Variants in CENPP observed in about 807,000 individuals in gnomAD.
CENPP encodes the protein centromere protein P.
In CENPP, 24 loss-of-function variants were observed where a neutral mutation model predicts 35.6. The ratio of observed to expected loss-of-function variants is 0.67; its 90% CI spans 0.49 to 0.95. The LOEUF (loss-of-function observed/expected upper bound fraction) is 0.95. Ranked by LOEUF, CENPP falls within the 40% of genes least tolerant of loss-of-function variation. CENPP has a pLI of 0.00. For missense variants in CENPP, 332 were observed against 345.3 expected (o/e 0.96, Z 0.31); for synonymous variants, 120 against 125.5 (o/e 0.96, Z 0.29).
intron 5 of CENPP, chr9:92,517,772 A>G: frequency 6.2e-7 from 1 of 1,614,232 alleles, no homozygotes; most frequent in Non-Finnish European, 8.5e-7. Context: ...TTTCATCACA[A>G]AGAACTCTTC....
intron 5 of CENPP, among the ~76,000 whole-genome samples, chr9:92,444,596 C>T (rs1037474037): frequency 1.5e-4 from 23 of 152,048 alleles, no homozygotes; most frequent in East Asian, 1.9e-4. Context: ...GTCTGTTTTA[C>T]GAGTTTAATA....
rs111877549 is a variant in CENPP at position 92,435,072 on chromosome 9, A to G, written c.564+55213A>G. ...ATCTCAAAAATAAAATAAAAAGTAT[A>G]CTGTACACTGTGTACAACCTTAGAT... On this transcript the variant is annotated intron_variant, in intron 5 of 7. Transcript: ENST00000375587. Among the ~76,000 whole-genome samples, 16 of 152,204 alleles carry G rather than the reference A, an allele frequency of 1.1e-4. 1 individual carries two copies. Among genetic ancestry groups the G allele is most frequent in the African/African-American group, 3.9e-4 (16 of 41,520 alleles).
At chr9:92,612,755 AT>A in intron 7 of CENPP, 141 bp downstream of exon 7, 1 of 715,050 alleles carries the variant, frequency 1.4e-6, no homozygotes, top group Non-Finnish European at 2.4e-6. Context: ...ATTTTTAAAT[AT>A]TTTTATCAAT....
chr9:92,533,314 A>ATATAT (rs1848934895), intron 5 of CENPP, among the ~76,000 whole-genome samples: 7 of 95,018 alleles, frequency 7.4e-5, no homozygotes, highest in African/African-American at 3.0e-4. Context: ...AAAAAAAAAA[A>ATATAT]AAAAAAAAAA....
Position 92,487,873 on chromosome 9 carries a change from T to C in CENPP, c.564+108014T>C, listed in dbSNP as rs80172155. 6.5e-3 allele frequency among the ~76,000 whole-genome samples: 993 copies of C among 152,310 alleles called. 8 individuals carry two copies. The highest frequency in any genetic ancestry group is 0.023 in the African/African-American group (944 of 41,570). ...ACATATAAAACCATTAAGTGAAAGT[T>C]TGCTCGATAGCAAGAAACTGTACTT... On this transcript the variant is annotated intron_variant, in intron 5 of 7. Coordinates refer to ENST00000375587, the MANE Select transcript of CENPP (RefSeq NM_001012267.3).
At chr9:92,589,707 G>A (rs543545203) in intron 5 of CENPP, among the ~76,000 whole-genome samples, 61 of 152,092 alleles carry the variant, frequency 4.0e-4, no homozygotes, top group Non-Finnish European at 7.9e-4. Context: ...TCTCTTATGC[G>A]TTTACGAAAG....
At chr9:92,475,543 G>A (rs1038059087) in intron 5 of CENPP, among the ~76,000 whole-genome samples, 5 of 152,096 alleles carry the variant, frequency 3.3e-5, no homozygotes, top group Non-Finnish European at 7.4e-5. Context: ...AATAAACATC[G>A]TAAAAACAGA....
intron 5 of CENPP, among the ~76,000 whole-genome samples, chr9:92,397,022 C>CA (rs1278590706): frequency 6.6e-6 from 1 of 150,742 alleles, no homozygotes; most frequent in Non-Finnish European, 1.5e-5. Flanking sequence ...CAAAAAAATA[C>CA]AAAAATTAGC....
chr9:92,439,695 A>G (rs1588130654), intron 5 of CENPP, among the ~76,000 whole-genome samples: 1 of 152,168 alleles, frequency 6.6e-6, no homozygotes, highest in Non-Finnish European at 1.5e-5. Context: ...CTTTATATCT[A>G]GTCCTCTTTC....
Position 92,615,739 on chromosome 9 carries a change from T to A in CENPP, c.*2590T>A. The A allele has an allele frequency of 9.3e-7, 1 of 1,075,892 alleles. No homozygotes were observed. The highest frequency in any genetic ancestry group is 1.4e-6 in the Non-Finnish European group (1 of 724,348). The allele number at this position is 1,075,892 out of a possible 1,614,324, so 66.6% of individuals were successfully genotyped here. ...CAAAAGGGGTTAAAAGCAAAAACAT[T>A]CACAACCAAAGGTCACCCAACACAA... On this transcript the variant is annotated 3_prime_UTR_variant, in exon 8 of 8. Transcript: ENST00000375587.
chr9:92,348,002 C>A (rs1047786568), intron 4 of CENPP, among the ~76,000 whole-genome samples: 1 of 152,146 alleles, frequency 6.6e-6, no homozygotes, highest in Non-Finnish European at 1.5e-5. Flanking sequence ...TGGCTCACTG[C>A]AACCTCTGCC....
At chr9:92,503,310 C>G (rs1268283440) in intron 5 of CENPP, among the ~76,000 whole-genome samples, 9 of 152,126 alleles carry the variant, frequency 5.9e-5, no homozygotes, top group Non-Finnish European at 1.2e-4. Flanking sequence ...TCTCTACTTA[C>G]CAGTGGAGTT....
chr9:92,404,096 A>G lies in CENPP; in HGVS notation c.564+24237A>G, dbSNP rs1030388547. Reference sequence around the variant, plus strand: ...AATAGTATTGCAGGCTAGAGGAAATACCGAACTTTAATCAAAGAACTTTGA... The same window carrying G: ...AATAGTATTGCAGGCTAGAGGAAATGCCGAACTTTAATCAAAGAACTTTGA... On this transcript the variant is annotated intron_variant, in intron 5 of 7. Transcript: ENST00000375587. Among the ~76,000 whole-genome samples the G allele has an allele frequency of 2.6e-5, 4 of 152,300 alleles. No individual in the cohort carries two copies. The South Asian group carries it at 8.3e-4, about 32-fold the overall frequency.
chr9:92,502,804 C>CTTTT (rs34408968), intron 5 of CENPP: 34 of 296,386 alleles, frequency 1.1e-4, no homozygotes, highest in South Asian at 1.9e-4. Context: ...TTTAAGTTGT[C>CTTTT]TTTTTTTTTT....
chr9:92,325,879 C>T (rs1840450079), upstream of CENPP: 3 of 757,902 alleles, frequency 4.0e-6, no homozygotes, highest in East Asian at 8.9e-5. Context: ...CCCGCCTCCC[C>T]TCCGCGTGAG....
At chr9:92,336,646 T>G (rs183024410) in intron 2 of CENPP, among the ~76,000 whole-genome samples, 140 of 152,342 alleles carry the variant, frequency 9.2e-4, no homozygotes, top group African/African-American at 3.2e-3. Flanking sequence ...AAAGTCAGGA[T>G]AGTGCTTACT....
intron 5 of CENPP, among the ~76,000 whole-genome samples, chr9:92,527,446 CA>C (rs2131265743): frequency 6.6e-6 from 1 of 152,318 alleles, no homozygotes; most frequent in East Asian, 1.9e-4. Flanking sequence ...TAGGTTGTCC[CA>C]TCTAGGTTCG....
intron 5 of CENPP, among the ~76,000 whole-genome samples, chr9:92,429,819 TC>T (rs1844060634): frequency 6.6e-6 from 1 of 152,048 alleles, no homozygotes; most frequent in Non-Finnish European, 1.5e-5. Flanking sequence ...ATCATCATCA[TC>T]ATCTTGTCAT....
At chr9:92,448,469 A>G (rs1049096613) in intron 5 of CENPP, among the ~76,000 whole-genome samples, 2 of 151,664 alleles carry the variant, frequency 1.3e-5, no homozygotes, top group African/African-American at 4.8e-5. Context: ...ACGGGGTTTC[A>G]CCATTTTGGC....
Sources: gnomAD v4.1 joint callset for allele counts (sites outside exome capture counted in the v4.1 genomes callset) on GRCh38, gnomAD v4.1.1 for gene constraint, MANE v1.5 for transcripts, NCBI Gene and HGNC (gene_info 2026-07-23, HGNC 2026-07-21) for gene names.